Variants in CAMTA2 observed in about 807,000 individuals in gnomAD.
CAMTA2 encodes calmodulin binding transcription activator 2.
In CAMTA2, 56 loss-of-function variants were observed where a neutral mutation model predicts 135.7. The observed-to-expected ratio is 0.41, with a 90% CI of 0.33 to 0.52. The LOEUF is 0.52. Among genes scored for constraint, CAMTA2 ranks in the 20% least tolerant of loss-of-function variants. The pLI is 0.16. For missense variants in CAMTA2, 1,358 were observed against 1,553.4 expected, an observed-to-expected ratio of 0.87 and a Z score of 2.11; for synonymous variants, 591 against 604.6, an observed-to-expected ratio of 0.98 and a Z score of 0.33.
rs776618347 is a variant in CAMTA2, at chr17:4,977,106, G to A, written c.1852C>T (p.Arg618Ter). The change falls in exon 11 of 23, where the codon CGA becomes TGA. Residue 618 changes from arginine (R) to a stop codon, truncating the protein, a stop_gained. Transcript: ENST00000348066. LOFTEE classifies it high-confidence loss of function. ...ASVLFEYRAR[R>*]FLSLPSTQLD... is the part of the protein sequence containing the mutation. ...TGAGTACTAGGCAGAGACAGGAATC[G>A]GCGGGCTCGATACTCAAAGAGCACA... 1.2e-6 allele frequency: 2 copies of A among 1,613,954 alleles called. No individual in the cohort carries two copies. The highest frequency in any genetic ancestry group is 1.7e-6 in the Non-Finnish European group (2 of 1,180,018).
At chr17:4,971,039 TC>T (rs1290971910) in intron 16 of CAMTA2, among the ~76,000 whole-genome samples, 2 of 152,208 alleles carry the variant, frequency 1.3e-5, no homozygotes, top group Non-Finnish European at 2.9e-5. Flanking sequence ...CTTGTGGAGT[TC>T]CCTAAGTTTT....
Position 4,972,801 on chromosome 17 carries a change from G to A in CAMTA2, c.2471C>T (p.Ala824Val), listed in dbSNP as rs138110970. 6.7e-5 allele frequency: 108 copies of A among 1,613,746 alleles called. No homozygotes were observed. The highest frequency in any genetic ancestry group is 8.1e-5 in the Non-Finnish European group (96 of 1,180,026). ...TGGGCTGGAGGAGGGTGGCGATAGG[G>A]CAAATGGGGGCTCCACCGAAGGCTC... is the stretch of plus-strand genomic sequence containing the variant. Reference protein sequence around the residue: ...RQEPSVEPPFALSPPSSSPDT... With the variant: ...RQEPSVEPPFVLSPPSSSPDT... The change falls in exon 15 of 23, where the codon GCC becomes GTC. Residue 824 changes from alanine to valine, a missense_variant. Physicochemically the swap from Ala to Val is moderately conservative, Grantham distance 64 (BLOSUM62 0). Coordinates refer to ENST00000348066, the MANE Select transcript of CAMTA2 (RefSeq NM_015099.4).
At chr17:4,970,108 G>C (rs753494379) in intron 17 of CAMTA2, 23 bp from the exon 18 acceptor site, 1 of 1,607,830 alleles carries the variant, frequency 6.2e-7, no homozygotes, top group African/African-American at 1.3e-5. Context: ...GGGAAAGAGG[G>C]TGTCATGAAG....
chr17:4,969,409 A>G lies in CAMTA2; in HGVS notation c.3283-72T>C. ...GACCCAAAGCCCTGAGGCTCACCCA[A>G]GTTAGGCTGATGCAAGACTCTCTGT... On this transcript the variant is annotated intron_variant, in intron 20 of 22. Transcript: ENST00000348066. This position sits in a 1 kb window ranked among gnomAD's most constrained non-coding sequence, Gnocchi z 5.6. 6.2e-7 allele frequency: 1 copy of G among 1,608,402 alleles called. No homozygotes were observed. Among genetic ancestry groups the G allele is most frequent in the East Asian group, 2.2e-5 (1 of 44,852 alleles).
In CAMTA2 at chr17:4,980,010, T is replaced by G; in HGVS notation, c.1312A>C (p.Arg438=). Reference sequence around the variant, plus strand: ...TCTTGGATGAAGAAGCAGTTTCCTCTTCTCCCACCTGCTACTGACTGTGGT... The same window carrying G: ...TCTTGGATGAAGAAGCAGTTTCCTCGTCTCCCACCTGCTACTGACTGTGGT... ...PPPQSVAGGR[R]GNCFFIQDDD... The change falls in exon 9 of 23, where the codon AGA becomes CGA. Residue 438 remains arginine (R), a synonymous_variant. Coordinates refer to ENST00000348066, the MANE Select transcript of CAMTA2 (RefSeq NM_015099.4). The surrounding 1 kb of genome is among the most constrained non-coding windows in gnomAD (Gnocchi z 5.3). The G allele has an allele frequency of 1.2e-6, 2 of 1,613,680 alleles. No individual in the cohort carries two copies. Among genetic ancestry groups the G allele is most frequent in the Non-Finnish European group, 1.7e-6 (2 of 1,179,964 alleles).
chr17:4,974,433 T>G lies in CAMTA2; in HGVS notation c.1968A>C (p.Ala656=). 6.2e-7 allele frequency: 1 copy of G among 1,614,032 alleles called. No homozygotes were observed. The highest frequency in any genetic ancestry group is 8.5e-7 in the Non-Finnish European group (1 of 1,179,938). ...CCTGGCAAGGCACCTGCCCAGCTGC[T>G]GCGATCTCTGCCATCCGCTTCTCCA... ...EQMEKRMAEI[A]AAGQVPCQGP... The change falls in exon 12 of 23, where the codon GCA becomes GCC. Residue 656 remains alanine, a synonymous_variant. Transcript: ENST00000348066.
Position 4,973,688 on chromosome 17 carries a change from G to A in CAMTA2, c.2098C>T (p.Pro700Ser). ...GGGCTTCCATGGGCCAGACGTTCAG[G>A]ACCCTTCCAGGTGGAGCGTGGGATC... ...SMIPRSTWKGPERLAHGSPFR... is the reference protein window; with the variant it reads ...SMIPRSTWKGSERLAHGSPFR... Residue 700 changes from proline to serine, a missense_variant, in exon 13 of 23, where the codon CCT becomes TCT. Transcript: ENST00000348066. 8.7e-6 allele frequency: 14 copies of A among 1,614,234 alleles called. No individual in the cohort carries two copies. Among genetic ancestry groups the A allele is most frequent in the Non-Finnish European group, 1.2e-5 (14 of 1,180,030 alleles).
intron 12 of CAMTA2, 111 bp downstream of exon 12, chr17:4,974,274 G>C (rs2151171222): frequency 1.4e-6 from 1 of 709,432 alleles, no homozygotes; most frequent in Non-Finnish European, 2.5e-6. Context: ...AAGACAGGCT[G>C]AGGAGGCTGG....
intron 2 of CAMTA2, 72 bp from the exon 3 acceptor site, chr17:4,986,055 G>A (rs2143086898): frequency 1.6e-6 from 2 of 1,237,074 alleles, no homozygotes. Flanking sequence ...AGGGGAAAGG[G>A]CTGAAGGCAA....
intron 1 of CAMTA2, chr17:4,986,791 C>G: frequency 3.3e-6 from 2 of 606,286 alleles, no homozygotes; most frequent in Non-Finnish European, 5.9e-6. Flanking sequence ...ATAACTGAAC[C>G]TAACCTATTC....
Position 4,976,761 on chromosome 17 carries a change from A to G in CAMTA2, c.1900+297T>C, listed in dbSNP as rs376735934. On this transcript the variant is annotated intron_variant, in intron 11 of 22. Coordinates refer to ENST00000348066, the MANE Select transcript of CAMTA2 (RefSeq NM_015099.4). ...ATAAACTTGTGCATAGCACCTATAT[A>G]TTGCTCTAGACCCTGTCCCTGCCCT... Among the ~76,000 whole-genome samples the G allele has an allele frequency of 1.6e-4, 25 of 152,270 alleles. No individual in the cohort carries two copies. In the South Asian group the frequency reaches 5.2e-3, roughly 32 times the overall value.
In CAMTA2 at chr17:4,969,480, T is replaced by C; in HGVS notation, c.3282+20A>G. 6.2e-7 allele frequency: 1 copy of C among 1,613,856 alleles called. No homozygotes were observed. On this transcript the variant is annotated intron_variant, in intron 20 of 22. Coordinates refer to ENST00000348066, the MANE Select transcript of CAMTA2 (RefSeq NM_015099.4). The surrounding 1 kb of genome is among the most constrained non-coding windows in gnomAD (Gnocchi z 5.6). ...GACTGAATCATCACAGACCTCACAC[T>C]CAGAGCTCATGCCTAATACCTTAAG...
In CAMTA2 at chr17:4,987,648, C is replaced by T; in HGVS notation, c.-120G>A. ...CGGCCATTCTACCCCACACCGACCC[C>T]CCCCAGCGCCGGCTGACAGCGGCGT... is the stretch of plus-strand genomic sequence containing the variant. On this transcript the variant is annotated 5_prime_UTR_variant, in exon 1 of 23. Coordinates refer to ENST00000348066, the MANE Select transcript of CAMTA2 (RefSeq NM_015099.4). 2 of 1,521,732 alleles carry T rather than the reference C, an allele frequency of 1.3e-6. No individual in the cohort carries two copies. Among genetic ancestry groups the T allele is most frequent in the Non-Finnish European group, 1.8e-6 (2 of 1,139,694 alleles). 94.3% of individuals were successfully genotyped at this position (1,521,732 alleles called of 1,614,324 possible).
chr17:4,980,699 G>A lies in CAMTA2; in HGVS notation c.701-78C>T, dbSNP rs1597765368. 11 of 1,117,102 alleles carry A rather than the reference G, an allele frequency of 9.8e-6. No homozygotes were observed. The highest frequency in any genetic ancestry group is 1.5e-5 in the African/African-American group (1 of 64,646). The allele number at this position is 1,117,102 out of a possible 1,614,324, so 69.2% of individuals were successfully genotyped here. ...CTTCTCTACCTTGAGGCCCTTAAAA[G>A]TATTTCCTGGGACGTCCCTATAAAC... On this transcript the variant is annotated intron_variant, in intron 8 of 22. Coordinates refer to ENST00000348066, the MANE Select transcript of CAMTA2 (RefSeq NM_015099.4). This position sits in a 1 kb window ranked among gnomAD's most constrained non-coding sequence, Gnocchi z 5.3.
rs1972451254 is a variant in CAMTA2, at chr17:4,973,803, G to A, written c.2017-34C>T. Reference sequence around the variant, plus strand: ...TACACACTCTTAGGCAGAGACCCAGGTATCTACTCCCCTGGCTTGAGGTGG... The same window carrying A: ...TACACACTCTTAGGCAGAGACCCAGATATCTACTCCCCTGGCTTGAGGTGG... On this transcript the variant is annotated intron_variant, in intron 12 of 22. Transcript: ENST00000348066. 5 of 1,544,058 alleles carry A rather than the reference G, an allele frequency of 3.2e-6. No individual in the cohort carries two copies. In the South Asian group the frequency reaches 6.2e-5, roughly 19 times the overall value.
At chr17:4,973,319 A>G in intron 13 of CAMTA2, 66 bp from the exon 14 acceptor site, 2 of 1,337,672 alleles carry the variant, frequency 1.5e-6, no homozygotes, top group Non-Finnish European at 2.2e-6. Flanking sequence ...CAGGAACATC[A>G]GAAGTAAAGG....
At chr17:4,976,929 A>C (rs1364019445) in intron 11 of CAMTA2, 129 bp downstream of exon 11, 1 of 841,072 alleles carries the variant, frequency 1.2e-6, no homozygotes, top group African/African-American at 1.8e-5. Context: ...CTAATGAAAT[A>C]GGAATTGAAA....
chr17:4,969,473 C>T lies in CAMTA2; in HGVS notation c.3282+27G>A, dbSNP rs748224001. ...AAGGAAAGACTGAATCATCACAGAC[C>T]TCACACTCAGAGCTCATGCCTAATA... On this transcript the variant is annotated intron_variant, in intron 20 of 22. Coordinates refer to ENST00000348066, the MANE Select transcript of CAMTA2 (RefSeq NM_015099.4). This position sits in a 1 kb window ranked among gnomAD's most constrained non-coding sequence, Gnocchi z 5.6. 3.1e-6 allele frequency: 5 copies of T among 1,613,652 alleles called. No individual in the cohort carries two copies. Among genetic ancestry groups the T allele is most frequent in the African/African-American group, 2.7e-5 (2 of 74,908 alleles).
intron 16 of CAMTA2, among the ~76,000 whole-genome samples, chr17:4,970,827 C>G (rs1174885467): frequency 6.6e-6 from 1 of 152,244 alleles, no homozygotes; most frequent in Non-Finnish European, 1.5e-5. Flanking sequence ...CACTGTCCTA[C>G]CTGGGCCTGC....
Sources: allele counts gnomAD v4.1 joint callset (sites outside exome capture counted in the v4.1 genomes callset), GRCh38; gene constraint gnomAD v4.1.1; non-coding constraint Gnocchi (gnomAD v3.1); transcripts MANE v1.5; gene names NCBI Gene and HGNC (gene_info 2026-07-23, HGNC 2026-07-21).